Variants in DNMT3A observed in about 807,000 individuals in gnomAD.
DNMT3A encodes DNA (cytosine-5)-methyltransferase 3A.
Under a neutral mutation model 117.6 loss-of-function variants are expected in DNMT3A, and 267 were observed. The observed-to-expected ratio is 2.27, with a 90% confidence interval of 2.05 to 2.51. DNMT3A has a LOEUF of 2.51. Ranked by LOEUF, DNMT3A falls within the 30% of genes most tolerant of loss-of-function variation. DNMT3A has a pLI of 0.00. For synonymous variants in DNMT3A, 432 were observed against 474.8 expected (o/e 0.91, Z 1.17); for missense variants, 1,029 against 1,260.2 (o/e 0.82, Z 2.78).
chr2:25,340,026 C>A (rs2035352947), intron 1 of DNMT3A, among the ~76,000 whole-genome samples: 1 of 152,342 alleles, frequency 6.6e-6, no homozygotes, highest in South Asian at 2.1e-4. Context: ...TCTCTGGGCA[C>A]GGCAGTGAGG....
intron 6 of DNMT3A, among the ~76,000 whole-genome samples, chr2:25,268,243 G>A (rs776093276): frequency 3.3e-5 from 5 of 152,166 alleles, no homozygotes; most frequent in Non-Finnish European, 4.4e-5. Context: ...CCTTCAGGTC[G>A]GAAGCAGGAA....
intron 6 of DNMT3A, among the ~76,000 whole-genome samples, chr2:25,251,375 G>A (rs866098607): frequency 1.3e-5 from 2 of 151,906 alleles, no homozygotes; most frequent in African/African-American, 4.8e-5. Flanking sequence ...CCCCAGGGGG[G>A]CGGAGAAACC....
chr2:25,307,938 G>A (rs2033871891), intron 2 of DNMT3A, among the ~76,000 whole-genome samples: 1 of 152,230 alleles, frequency 6.6e-6, no homozygotes, highest in Non-Finnish European at 1.5e-5. Context: ...CCTGCCATCA[G>A]GAGTTAGGTC....
chr2:25,244,079 C>A, intron 15 of DNMT3A, 76 bp downstream of exon 15: 1 of 1,601,808 alleles, frequency 6.2e-7, no homozygotes, highest in South Asian at 1.1e-5. Context: ...ACCCACACAC[C>A]CTGCGCACAG....
rs2033682718 is a variant in DNMT3A, at chr2:25,304,499, A to T, written c.73-4256T>A. Among the ~76,000 whole-genome samples the T allele has an allele frequency of 6.6e-6, 1 of 152,120 alleles. No individual in the cohort carries two copies. Among genetic ancestry groups the T allele is most frequent in the South Asian group, 2.1e-4 (1 of 4,822 alleles). ...AGCACGCCGCCCACCATATGCAGCGATCCCTCACTATCACACAGAGCCCAA... is the reference window on the plus strand; with the variant it reads ...AGCACGCCGCCCACCATATGCAGCGTTCCCTCACTATCACACAGAGCCCAA... On this transcript the variant is annotated intron_variant, in intron 2 of 22. Transcript: ENST00000321117. This position sits in a 1 kb window ranked among gnomAD's most constrained non-coding sequence, Gnocchi z 4.3.
chr2:25,273,471 A>G (rs935642473), intron 6 of DNMT3A, among the ~76,000 whole-genome samples: 3 of 152,144 alleles, frequency 2.0e-5, no homozygotes, highest in Non-Finnish European at 4.4e-5. Context: ...CTTCCCCTGG[A>G]GGCCTGGGGT....
Position 25,254,899 on chromosome 2 carries a change from T to C in DNMT3A, c.640-6647A>G, listed in dbSNP as rs1437159870. Among the ~76,000 whole-genome samples the C allele has an allele frequency of 6.6e-6, 1 of 152,248 alleles. No individual in the cohort carries two copies. ...CAGCAAGGACTCAAGGTGTCAGAAC[T>C]GGCCAGAACTGTTCACTTTCTCTTG... On this transcript the variant is annotated intron_variant, in intron 6 of 22. Coordinates refer to ENST00000321117, the MANE Select transcript of DNMT3A (RefSeq NM_022552.5). The surrounding 1 kb of genome is among the most constrained non-coding windows in gnomAD (Gnocchi z 4.7).
chr2:25,301,146 G>A (rs2033491961), intron 2 of DNMT3A, among the ~76,000 whole-genome samples: 1 of 151,734 alleles, frequency 6.6e-6, no homozygotes, highest in African/African-American at 2.4e-5. Context: ...GCACGCGCCT[G>A]TAGTCTCAGC....
Position 25,244,618 on chromosome 2 carries a change from TCGTCGTACTGGTA to T in DNMT3A, c.1576_1588del (p.Tyr526ThrfsTer121). The T allele has an allele frequency of 6.2e-7, 1 of 1,614,146 alleles. No individual in the cohort carries two copies. Among genetic ancestry groups the T allele is most frequent in the Non-Finnish European group, 8.5e-7 (1 of 1,180,010 alleles). On this transcript the variant is annotated frameshift_variant, in exon 14 of 23. Coordinates refer to ENST00000321117, the MANE Select transcript of DNMT3A (RefSeq NM_022552.5). LOFTEE classifies it high-confidence loss of function. ...GGTGCAGTAGGACTGGTAGCCGTCG[TCGTCGTACTGGTA>T]CGCACACTCCAGAAAGCAGTTCTAG...
chr2:25,253,064 TTC>T (rs1675785878), intron 6 of DNMT3A, among the ~76,000 whole-genome samples: 1 of 152,176 alleles, frequency 6.6e-6, no homozygotes, highest in South Asian at 2.1e-4. Context: ...AGGGCGCTCC[TTC>T]AGAAAGTTCA....
chr2:25,231,956 T>C lies in DNMT3A; in HGVS notation c.*2323A>G, dbSNP rs1558647479. On this transcript the variant is annotated 3_prime_UTR_variant, in exon 23 of 23. Transcript: ENST00000321117. ...GGGAGCCCCCTGGCGTGTGTGTGTG[T>C]GTGTGAGTGCATTCATTATGCATCA... is the stretch of plus-strand genomic sequence containing the variant. 2 of 152,368 alleles carry C rather than the reference T, an allele frequency of 1.3e-5. No individual in the cohort carries two copies. Among genetic ancestry groups the C allele is most frequent in the African/African-American group, 2.4e-5 (1 of 41,430 alleles). The allele number at this position is 152,368 out of a possible 1,614,324, so 9.4% of individuals were successfully genotyped here. A position where few individuals can be genotyped will look rare whatever the true frequency, so the allele number is the denominator to read the frequency against.
rs936852184 is a variant in DNMT3A at position 25,237,602 on chromosome 2, T to C, written c.2409-597A>G. On this transcript the variant is annotated intron_variant, in intron 20 of 22. Transcript: ENST00000321117. This position sits in a 1 kb window ranked among gnomAD's most constrained non-coding sequence, Gnocchi z 5.4. ...GATCAACATGGTGAAACCCGGTCTC[T>C]ACTAATATAAAAATTAGCCAGACGT... is the stretch of plus-strand genomic sequence containing the variant. Among the ~76,000 whole-genome samples, 2 of 152,096 alleles carry C rather than the reference T, an allele frequency of 1.3e-5. No homozygotes were observed. Among genetic ancestry groups the C allele is most frequent in the South Asian group, 2.1e-4 (1 of 4,824 alleles).
Position 25,300,711 on chromosome 2 carries a change from TAA to T in DNMT3A, c.73-470_73-469del, listed in dbSNP as rs1491567879. Among the ~76,000 whole-genome samples the T allele has an allele frequency of 4.3e-4, 18 of 42,048 alleles. 1 individual carries two copies. Among genetic ancestry groups the T allele is most frequent in the Middle Eastern group, 0.012 (1 of 84 alleles). 27.6% of individuals were successfully genotyped at this position (42,048 alleles called of 152,430 possible). ...TATATATTTATATATCTAAATAATATAATATATATATATATATATATATATAT... is the reference window on the plus strand; with the variant it reads ...TATATATTTATATATCTAAATAATATTATATATATATATATATATATATAT... On this transcript the variant is annotated intron_variant, in intron 2 of 22. Coordinates refer to ENST00000321117, the MANE Select transcript of DNMT3A (RefSeq NM_022552.5).
intron 6 of DNMT3A, among the ~76,000 whole-genome samples, chr2:25,270,973 G>A (rs565844218): frequency 6.6e-6 from 1 of 150,540 alleles, no homozygotes; most frequent in African/African-American, 2.4e-5. Flanking sequence ...GCAGTGAGCT[G>A]AGATTGTGCC....
intron 6 of DNMT3A, among the ~76,000 whole-genome samples, chr2:25,273,294 T>C (rs1404611066): frequency 6.6e-6 from 1 of 152,112 alleles, no homozygotes; most frequent in African/African-American, 2.4e-5. Flanking sequence ...GTATTTTTGG[T>C]AGAGACAGGG....
intron 1 of DNMT3A, among the ~76,000 whole-genome samples, chr2:25,341,012 G>T (rs1242035730): frequency 6.8e-6 from 1 of 146,688 alleles, no homozygotes; most frequent in South Asian, 2.1e-4. Context: ...CACTCCGGGG[G>T]AAGGTGTGCC....
At chr2:25,341,310 C>G (rs1302451838) in intron 1 of DNMT3A, among the ~76,000 whole-genome samples, 1 of 145,038 alleles carries the variant, frequency 6.9e-6, no homozygotes, top group Non-Finnish European at 1.5e-5. Context: ...CTCCCCCGCT[C>G]CCCCGGGCCG....
chr2:25,229,696 A>G lies in DNMT3A; in HGVS notation c.*4583T>C, dbSNP rs1235644704. 1 of 152,194 alleles carries G rather than the reference A, an allele frequency of 6.6e-6. No individual in the cohort carries two copies. The allele number at this position is 152,194 out of a possible 1,614,324, so 9.4% of individuals were successfully genotyped here. On this transcript the variant is annotated 3_prime_UTR_variant, in exon 23 of 23. Transcript: ENST00000321117. ...ACCCACAGCTTGAGGGGGATCCTAA[A>G]AGCAACAGCTCTGAAAGACACTTGG...
Position 25,254,866 on chromosome 2 carries a change from C to T in DNMT3A, c.640-6614G>A, listed in dbSNP as rs561033349. ...TTGGGACATAAGACTGCAATGATGC[C>T]GTGCGTGCAGCAAGGACTCAAGGTG... On this transcript the variant is annotated intron_variant, in intron 6 of 22. Coordinates refer to ENST00000321117, the MANE Select transcript of DNMT3A (RefSeq NM_022552.5). The surrounding 1 kb of genome is among the most constrained non-coding windows in gnomAD (Gnocchi z 4.7). Among the ~76,000 whole-genome samples the T allele has an allele frequency of 2.6e-5, 4 of 152,312 alleles. No homozygotes were observed. Among genetic ancestry groups the T allele is most frequent in the South Asian group, 2.1e-4 (1 of 4,824 alleles).
Sources: gnomAD v4.1 joint callset for allele counts (sites outside exome capture counted in the v4.1 genomes callset) on GRCh38, gnomAD v4.1.1 for gene constraint, Gnocchi (gnomAD v3.1) non-coding constraint, MANE v1.5 for transcripts, NCBI Gene and HGNC (gene_info 2026-07-23, HGNC 2026-07-21) for gene names.